The following PKD2L1 variants were observed in gnomAD, a reference collection of about 807,000 sequenced individuals.
PKD2L1 encodes polycystin-2-like protein 1.
In PKD2L1, 77 loss-of-function variants were observed where a neutral mutation model predicts 93.0. The ratio of observed to expected loss-of-function variants is 0.83; its 90% CI spans 0.69 to 1.00. The LOEUF is 1.00. Ranked by LOEUF, PKD2L1 falls within the 50% of genes least tolerant of loss-of-function variation. The probability of loss-of-function intolerance (pLI) is 0.00; values close to 1 mark genes in which losing one functional copy is unlikely to be tolerated. For synonymous variants in PKD2L1, 390 were observed against 388.0 expected (o/e 1.01, Z -0.06); for missense variants, 977 against 990.9 (o/e 0.99, Z 0.19).
In PKD2L1 at chr10:100,330,032, G is replaced by C; in HGVS notation, c.72C>G (p.Ala24=). 1 of 1,612,976 alleles carries C rather than the reference G, an allele frequency of 6.2e-7. No individual in the cohort carries two copies. The highest frequency in any genetic ancestry group is 8.5e-7 in the Non-Finnish European group (1 of 1,179,280). The part of the protein sequence containing the change: ...KLGSGAWDNP[A]YSGPPSPHGT... The stretch of plus-strand genomic sequence containing the variant: ...CGTGTGGGGAAGGGGGACCACTGTA[G>C]GCGGGGTTGTCCCAGGCTCCACTCC... Residue 24 remains alanine (A), a synonymous_variant, in exon 1 of 16, where the codon GCC becomes GCG. Coordinates refer to ENST00000318222, the MANE Select transcript of PKD2L1 (RefSeq NM_016112.3).
intron 4 of PKD2L1, among the ~76,000 whole-genome samples, chr10:100,298,104 T>C (rs1305352046): frequency 6.6e-6 from 1 of 152,166 alleles, no homozygotes; most frequent in African/African-American, 2.4e-5. Flanking sequence ...CTTTCTACCC[T>C]GGGTGCTTAT....
chr10:100,324,113 C>A (rs1164671488), intron 2 of PKD2L1, among the ~76,000 whole-genome samples: 2 of 152,242 alleles, frequency 1.3e-5, no homozygotes, highest in African/African-American at 4.8e-5. Flanking sequence ...CAGGCATGAG[C>A]CACCGTGCCC....
chr10:100,308,543 C>A (rs912138187), intron 2 of PKD2L1, among the ~76,000 whole-genome samples: 5 of 152,146 alleles, frequency 3.3e-5, no homozygotes, highest in Non-Finnish European at 7.3e-5. Context: ...CCATGTTGAC[C>A]AGGCTAGTCT....
chr10:100,327,696 T>C (rs1206983414), intron 2 of PKD2L1, among the ~76,000 whole-genome samples: 1 of 152,114 alleles, frequency 6.6e-6, no homozygotes, highest in Non-Finnish European at 1.5e-5. Context: ...AATCGATACG[T>C]CAACAAATGA....
chr10:100,291,395 A>G lies in PKD2L1; in HGVS notation c.1913T>C (p.Leu638Pro), dbSNP rs1178488154. The G allele has an allele frequency of 6.2e-7, 1 of 1,614,090 alleles. No individual in the cohort carries two copies. The highest frequency in any genetic ancestry group is 8.5e-7 in the Non-Finnish European group (1 of 1,179,978). ...LGHAEHEITE[L>P]TATFTKFDRD... Reference sequence around the variant, plus strand: ...GTCAAACTTGGTGAAGGTGGCCGTGAGCTCAGTGATTTCATGCTCTGCGTG... The same window carrying G: ...GTCAAACTTGGTGAAGGTGGCCGTGGGCTCAGTGATTTCATGCTCTGCGTG... The change falls in exon 12 of 16, where the codon CTC becomes CCC. Residue 638 changes from leucine to proline, a missense_variant. Leu to Pro is a moderately conservative substitution (Grantham distance 98, BLOSUM62 -3). Coordinates refer to ENST00000318222, the MANE Select transcript of PKD2L1 (RefSeq NM_016112.3).
Position 100,299,551 on chromosome 10 carries a change from G to A in PKD2L1, c.477+40C>T, listed in dbSNP as rs1264331122. 7 of 1,597,938 alleles carry A rather than the reference G, an allele frequency of 4.4e-6. No individual in the cohort carries two copies. The African/African-American group carries it at 6.7e-5, about 15-fold the overall frequency. On this transcript the variant is annotated intron_variant, in intron 3 of 15. Coordinates refer to ENST00000318222, the MANE Select transcript of PKD2L1 (RefSeq NM_016112.3). ...GTCTGACCTGTGGCCTCAGGCCATT[G>A]AGAAAGAGAGGGGAGGGGTAGAAAA...
intron 12 of PKD2L1, 25 bp downstream of exon 12, chr10:100,291,276 C>T (rs780280190): frequency 6.2e-7 from 1 of 1,609,144 alleles, no homozygotes. Context: ...CTTACACTGC[C>T]TCTCCACCCA....
chr10:100,288,886 G>T (rs117260820), intron 15 of PKD2L1, 86 bp downstream of exon 15: 16,667 of 795,294 alleles, frequency 0.021, 256 homozygotes, highest in Middle Eastern at 0.031. Context: ...TGTTGTCCTA[G>T]AAGTGCAGGG....
At chr10:100,307,502 T>G (rs1220442681) in intron 2 of PKD2L1, among the ~76,000 whole-genome samples, 2 of 152,016 alleles carry the variant, frequency 1.3e-5, no homozygotes, top group Non-Finnish European at 2.9e-5. Context: ...CTACAAAATA[T>G]TTTTAAAATT....
At chr10:100,318,934 CT>C (rs1362288299) in intron 2 of PKD2L1, among the ~76,000 whole-genome samples, 1 of 151,720 alleles carries the variant, frequency 6.6e-6, no homozygotes, top group Non-Finnish European at 1.5e-5. Flanking sequence ...CAACCTCCAC[CT>C]CTGGGGTTCA....
At position 100,297,700 on chromosome 10, in the gene PKD2L1, TATTGTG is replaced by T. The variant is rs1488238217; in HGVS notation, c.732-100_732-95del. On this transcript the variant is annotated intron_variant, in intron 4 of 15. Coordinates refer to ENST00000318222, the MANE Select transcript of PKD2L1 (RefSeq NM_016112.3). ...ATTGTCTGGGCTTTACAGGTTTACA[TATTGTG>T]TGTGTGTGTGTGTGTGTGTGTGTGT... is the stretch of plus-strand genomic sequence containing the variant. 4 of 722,836 alleles carry T rather than the reference TATTGTG, an allele frequency of 5.5e-6. No individual in the cohort carries two copies. In the East Asian group the frequency reaches 1.1e-4, roughly 20 times the overall value. 44.8% of individuals were successfully genotyped at this position (722,836 alleles called of 1,614,324 possible). A position where few individuals can be genotyped will look rare whatever the true frequency, so the allele number is the denominator to read the frequency against.
At chr10:100,307,471 C>A (rs921314351) in intron 2 of PKD2L1, among the ~76,000 whole-genome samples, 2 of 152,070 alleles carry the variant, frequency 1.3e-5, no homozygotes, top group South Asian at 4.1e-4. Flanking sequence ...GCAGCATGGG[C>A]AAAACTGGGA....
chr10:100,315,023 A>G (rs1589677296), intron 2 of PKD2L1, among the ~76,000 whole-genome samples: 1 of 10,474 alleles, frequency 9.5e-5, no homozygotes, highest in South Asian at 4.2e-3. Context: ...AGGGAAGGGA[A>G]GGGAAGGGAA....
rs375100358 is a variant in PKD2L1 at position 100,297,150 on chromosome 10, CTG to C, written c.1013_1014del (p.Thr338SerfsTer18). 2.0e-4 allele frequency: 327 copies of C among 1,614,172 alleles called. 2 individuals are homozygous for C. The African/African-American group carries it at 3.7e-3, about 18-fold the overall frequency. ...TTGCTGACATAGCGGATCAGCTTGA[CTG>C]TGCGGATTTGCCAGGATGGGATGGC... is the stretch of plus-strand genomic sequence containing the variant. ...GGAIPSWQIR[T>X]VKLIRYVSNW... is the part of the protein sequence containing the mutation. On this transcript the variant is annotated frameshift_variant, in exon 6 of 16. Coordinates refer to ENST00000318222, the MANE Select transcript of PKD2L1 (RefSeq NM_016112.3). LOFTEE classifies it high-confidence loss of function.
At chr10:100,315,651 G>A (rs943452207) in intron 2 of PKD2L1, among the ~76,000 whole-genome samples, 1 of 152,198 alleles carries the variant, frequency 6.6e-6, no homozygotes, top group African/African-American at 2.4e-5. Flanking sequence ...TATATTACCA[G>A]TCTGATTTTC....
At chr10:100,295,784 C>T (rs1389539055) in intron 7 of PKD2L1, among the ~76,000 whole-genome samples, 1 of 147,070 alleles carries the variant, frequency 6.8e-6, no homozygotes, top group Non-Finnish European at 1.5e-5. Context: ...GCATGTAATC[C>T]TAGCCCTTTG....
At chr10:100,320,271 T>C (rs1849196950) in intron 2 of PKD2L1, among the ~76,000 whole-genome samples, 1 of 152,258 alleles carries the variant, frequency 6.6e-6, no homozygotes, top group Admixed American at 6.5e-5. Flanking sequence ...ACATTATTAT[T>C]ATCAGACAAT....
intron 3 of PKD2L1, among the ~76,000 whole-genome samples, chr10:100,299,060 G>A (rs887467983): frequency 9.9e-5 from 15 of 152,224 alleles, no homozygotes; most frequent in Non-Finnish European, 1.5e-4. Flanking sequence ...AGGTTCAAGC[G>A]ATTCTCCTGC....
At chr10:100,315,471 C>T (rs1256015428) in intron 2 of PKD2L1, among the ~76,000 whole-genome samples, 1 of 152,172 alleles carries the variant, frequency 6.6e-6, no homozygotes, top group Admixed American at 6.6e-5. Context: ...GTTCCCCTCC[C>T]TGTGTCCATG....
Sources: gnomAD v4.1 joint callset for allele counts (sites outside exome capture counted in the v4.1 genomes callset) on GRCh38, gnomAD v4.1.1 for gene constraint, MANE v1.5 for transcripts, NCBI Gene and HGNC (gene_info 2026-07-23, HGNC 2026-07-21) for gene names.